Variants in STX8 observed in about 807,000 individuals in gnomAD.
The protein encoded by STX8 is syntaxin 8.
A neutral mutation model predicts 37.5 loss-of-function variants in STX8; 23 were observed. The observed-to-expected ratio is 0.61, with a 90% CI of 0.44 to 0.87. STX8 has a LOEUF of 0.87. STX8 is among the 40% of genes least tolerant of loss of function. STX8 has a pLI of 0.00. For missense variants in STX8, 313 were observed against 284.7 expected (o/e 1.10, Z -0.71); for synonymous variants, 115 against 99.1 (o/e 1.16, Z -0.95).
At chr17:9,573,859 A>C (rs1907788744) in intron 1 of STX8, among the ~76,000 whole-genome samples, 1 of 152,192 alleles carries the variant, frequency 6.6e-6, no homozygotes, top group South Asian at 2.1e-4. Context: ...GAAATAAGAG[A>C]TAGAACAAAG....
At chr17:9,274,715 A>AAT (rs1555586560) in intron 7 of STX8, among the ~76,000 whole-genome samples, 6,998 of 101,364 alleles carry the variant, frequency 0.069, 523 homozygotes, top group Non-Finnish European at 0.084. Flanking sequence ...TAATAATAAT[A>AAT]AACAAAGTCT....
chr17:9,531,170 C>T (rs1435985519), intron 4 of STX8, among the ~76,000 whole-genome samples: 1 of 152,254 alleles, frequency 6.6e-6, no homozygotes, highest in Non-Finnish European at 1.5e-5. Context: ...TAACACCACA[C>T]TACAGCTTTG....
At chr17:9,266,358 G>A (rs1008101910) in intron 7 of STX8, among the ~76,000 whole-genome samples, 2 of 152,180 alleles carry the variant, frequency 1.3e-5, no homozygotes, top group Admixed American at 6.5e-5. Context: ...CCACCTCCTG[G>A]ACAGCAGCTC....
At chr17:9,523,141 T>C (rs1338463579) in intron 4 of STX8, among the ~76,000 whole-genome samples, 2 of 151,434 alleles carry the variant, frequency 1.3e-5, no homozygotes, top group African/African-American at 4.9e-5. Context: ...TGAAACCCCA[T>C]CTCTACTAAA....
At chr17:9,349,111 C>A (rs1375553365) in intron 7 of STX8, among the ~76,000 whole-genome samples, 2 of 151,164 alleles carry the variant, frequency 1.3e-5, no homozygotes, top group Admixed American at 6.6e-5. Flanking sequence ...CCTGCCTCAG[C>A]CTCCCGAGTA....
intron 7 of STX8, among the ~76,000 whole-genome samples, chr17:9,376,850 C>T (rs1911608278): frequency 6.6e-6 from 1 of 152,212 alleles, no homozygotes; most frequent in Non-Finnish European, 1.5e-5. Flanking sequence ...AGACCAAGAA[C>T]CCACCTGAAG....
At chr17:9,547,642 A>AAAAAAAAAAAAAAG (rs10694244) in intron 3 of STX8, among the ~76,000 whole-genome samples, 2 of 115,846 alleles carry the variant, frequency 1.7e-5, no homozygotes, top group Non-Finnish European at 3.4e-5. Flanking sequence ...AAAAAAAAGA[A>AAAAAAAAAAAAAAG]AAAAGAAAAG....
chr17:9,520,664 A>G (rs1905308495), intron 4 of STX8, among the ~76,000 whole-genome samples: 1 of 152,220 alleles, frequency 6.6e-6, no homozygotes, highest in African/African-American at 2.4e-5. Flanking sequence ...AAAATGATGT[A>G]CATTATTTAA....
rs530851661 is a variant in STX8 at position 9,484,849 on chromosome 17, G to A, written c.541+6980C>T. On this transcript the variant is annotated intron_variant, in intron 6 of 7. Coordinates refer to ENST00000306357, the MANE Select transcript of STX8 (RefSeq NM_004853.3). ...CTCAAAAAAAGAGAAAGTGTCAGAG[G>A]CCAGGCCCAGCATTCTGGTGCAACT... Among the ~76,000 whole-genome samples the A allele has an allele frequency of 3.3e-5, 5 of 152,022 alleles. No individual in the cohort carries two copies. The East Asian group carries it at 5.8e-4, about 18-fold the overall frequency.
At chr17:9,251,294 A>T (rs1906566884) in intron 7 of STX8, among the ~76,000 whole-genome samples, 1 of 152,112 alleles carries the variant, frequency 6.6e-6, no homozygotes, top group Admixed American at 6.5e-5. Flanking sequence ...GTCTGCACTG[A>T]CCATTGCCTG....
intron 7 of STX8, among the ~76,000 whole-genome samples, chr17:9,373,457 T>C (rs892568342): frequency 6.6e-6 from 1 of 152,178 alleles, no homozygotes. Context: ...TGATACACAC[T>C]ACAACATGGA....
chr17:9,400,045 A>C (rs1336116629), intron 6 of STX8, among the ~76,000 whole-genome samples: 1 of 151,850 alleles, frequency 6.6e-6, no homozygotes, highest in African/African-American at 2.4e-5. Flanking sequence ...TACATTTTAT[A>C]ATAACTTGGG....
intron 7 of STX8, among the ~76,000 whole-genome samples, chr17:9,299,369 T>C (rs947473619): frequency 1.3e-5 from 2 of 152,024 alleles, no homozygotes; most frequent in African/African-American, 4.8e-5. Context: ...AGGAACTGTA[T>C]TTCAGCCACA....
chr17:9,300,379 T>C (rs1403438196), intron 7 of STX8, among the ~76,000 whole-genome samples: 1 of 149,514 alleles, frequency 6.7e-6, no homozygotes, highest in Non-Finnish European at 1.5e-5. Flanking sequence ...AAAAGAAAAT[T>C]CCCCAATTAT....
At chr17:9,448,022 A>C (rs563925029) in intron 6 of STX8, among the ~76,000 whole-genome samples, 2 of 152,028 alleles carry the variant, frequency 1.3e-5, no homozygotes, top group East Asian at 3.9e-4. Flanking sequence ...TAAAAATACA[A>C]AAATTAGCTG....
chr17:9,557,319 C>A, intron 3 of STX8, 115 bp downstream of exon 3: 1 of 760,858 alleles, frequency 1.3e-6, no homozygotes, highest in Non-Finnish European at 2.2e-6. Flanking sequence ...ATTTTGGAAA[C>A]CAGGTCTTCC....
At chr17:9,410,213 T>C (rs1912935131) in intron 6 of STX8, among the ~76,000 whole-genome samples, 2 of 152,238 alleles carry the variant, frequency 1.3e-5, no homozygotes, top group Non-Finnish European at 2.9e-5. Context: ...GGTCATAACA[T>C]CACTACCAGA....
intron 6 of STX8, among the ~76,000 whole-genome samples, chr17:9,441,648 C>T (rs569812644): frequency 1.3e-5 from 2 of 150,416 alleles, no homozygotes; most frequent in Non-Finnish European, 3.0e-5. Context: ...CTGAGCTCTT[C>T]TCCATCTATG....
In STX8 at chr17:9,274,961, A is replaced by G. The variant is rs921164374; in HGVS notation, c.644-24316T>C. ...AGATGGGGTTTCACCATGTTGGCCA[A>G]GCTGGTCTCAGACTCCTGACCTCAA... On this transcript the variant is annotated intron_variant, in intron 7 of 7. Coordinates refer to ENST00000306357, the MANE Select transcript of STX8 (RefSeq NM_004853.3). 1.5e-4 allele frequency among the ~76,000 whole-genome samples: 22 copies of G among 151,642 alleles called. No individual in the cohort carries two copies. In the South Asian group the frequency reaches 1.7e-3, roughly 12 times the overall value.
Sources: allele counts gnomAD v4.1 joint callset (sites outside exome capture counted in the v4.1 genomes callset), GRCh38; gene constraint gnomAD v4.1.1; transcripts MANE v1.5; gene names NCBI Gene and HGNC (gene_info 2026-07-23, HGNC 2026-07-21).